CLCA4: variants seen among roughly 807,000 people sequenced by gnomAD.
CLCA4 encodes the protein chloride channel accessory 4.
In CLCA4, 69 loss-of-function variants were observed where a neutral mutation model predicts 78.9. The observed-to-expected ratio is 0.87, with a 90% CI of 0.72 to 1.07. The LOEUF is 1.07. Ranked by LOEUF, CLCA4 falls within the 50% of genes least tolerant of loss-of-function variation. The pLI is 0.00. For synonymous variants in CLCA4, 362 were observed against 375.8 expected, an observed-to-expected ratio of 0.96 and a Z score of 0.42; for missense variants, 1,133 against 1,095.8, an observed-to-expected ratio of 1.03 and a Z score of -0.48.
chr1:86,547,245 G>A lies in CLCA4; in HGVS notation c.126G>A (p.Val42=), dbSNP rs1303317184. 1 of 1,596,510 alleles carries A rather than the reference G, an allele frequency of 6.3e-7. No homozygotes were observed. Among genetic ancestry groups the A allele is most frequent in the Admixed American group, 1.8e-5 (1 of 55,654 alleles). The change falls in exon 1 of 14, where the codon GTG becomes GTA. Residue 42 remains valine, a synonymous_variant. Transcript: ENST00000370563. ...TTGTCATTGTTATAGATCCTAGTGTGCCAGAAGATGAAAAAATAATTGAAC... is the reference window on the plus strand; with the variant it reads ...TTGTCATTGTTATAGATCCTAGTGTACCAGAAGATGAAAAAATAATTGAAC... The part of the protein sequence containing the change: ...EDIVIVIDPS[V]PEDEKIIEQI...
intron 11 of CLCA4, 120 bp from the exon 12 acceptor site, chr1:86,577,782 A>G: frequency 1.4e-6 from 1 of 710,216 alleles, no homozygotes; most frequent in Non-Finnish European, 2.3e-6. Flanking sequence ...TATTCTCCAA[A>G]GGGTCAATCT....
intron 1 of CLCA4, among the ~76,000 whole-genome samples, chr1:86,547,513 T>G (rs1188469180): frequency 6.6e-6 from 1 of 152,168 alleles, no homozygotes; most frequent in East Asian, 1.9e-4. Context: ...CACAACAGAT[T>G]ATCAGTAACT....
intron 1 of CLCA4, among the ~76,000 whole-genome samples, 179 bp downstream of exon 1, chr1:86,547,457 T>C (rs1649536586): frequency 6.6e-6 from 1 of 152,212 alleles, no homozygotes; most frequent in Non-Finnish European, 1.5e-5. Flanking sequence ...ATCTTTGCAT[T>C]GTGTCGGGAA....
At chr1:86,554,564 C>T (rs1649774858) in intron 1 of CLCA4, among the ~76,000 whole-genome samples, 1 of 152,054 alleles carries the variant, frequency 6.6e-6, no homozygotes, top group African/African-American at 2.4e-5. Flanking sequence ...CATGCCCGGC[C>T]CTGTACCACA....
intron 6 of CLCA4, among the ~76,000 whole-genome samples, 193 bp from the exon 7 acceptor site, chr1:86,567,231 A>G (rs1232006065): frequency 6.6e-6 from 1 of 152,006 alleles, no homozygotes; most frequent in Non-Finnish European, 1.5e-5. Flanking sequence ...ACTCCTTACT[A>G]TACGTGTCCC....
chr1:86,552,823 G>A (rs1354802861), intron 1 of CLCA4: 3 of 923,390 alleles, frequency 3.2e-6, no homozygotes, highest in Non-Finnish European at 5.3e-6. Context: ...CATGTAGCGG[G>A]GGATTTTAGT....
intron 1 of CLCA4, chr1:86,553,422 A>G: frequency 2.5e-6 from 1 of 401,834 alleles, no homozygotes; most frequent in South Asian, 4.8e-5. Flanking sequence ...GCGAGGCAGC[A>G]GAGATCCTCT....
chr1:86,572,334 C>A (rs548158391), intron 8 of CLCA4, among the ~76,000 whole-genome samples: 1 of 152,084 alleles, frequency 6.6e-6, no homozygotes, highest in African/African-American at 2.4e-5. Flanking sequence ...AGTTTGTGAG[C>A]TTTAATACAT....
intron 3 of CLCA4, 81 bp downstream of exon 3, chr1:86,560,439 G>T (rs778229190): frequency 7.1e-7 from 1 of 1,408,416 alleles, no homozygotes; most frequent in East Asian, 2.4e-5. Flanking sequence ...CAGGCCATGG[G>T]GCCAAAGTCC....
At chr1:86,569,654 C>T (rs1650291488) in intron 7 of CLCA4, among the ~76,000 whole-genome samples, 1 of 151,862 alleles carries the variant, frequency 6.6e-6, no homozygotes, top group African/African-American at 2.4e-5. Context: ...TAATACATAG[C>T]GAATGTTCAG....
In CLCA4 at chr1:86,547,163, T is replaced by C. The variant is rs766512274; in HGVS notation, c.44T>C (p.Leu15Pro). ...TTTGTTTTCCTCTTAGTTCTGTGCC[T>C]GCTGCACCAGTCAAATACTTCCTTC... ...RGFVFLLVLCLLHQSNTSFIK... is the reference protein window; with the variant it reads ...RGFVFLLVLCPLHQSNTSFIK... The change falls in exon 1 of 14, where the codon CTG becomes CCG. Residue 15 changes from leucine (L) to proline (P), a missense_variant. By Grantham distance (98) the Leu-to-Pro change is moderately conservative. Coordinates refer to ENST00000370563, the MANE Select transcript of CLCA4 (RefSeq NM_012128.4). 4 of 1,612,418 alleles carry C rather than the reference T, an allele frequency of 2.5e-6. No individual in the cohort carries two copies. The East Asian group carries it at 8.9e-5, about 36-fold the overall frequency.
chr1:86,577,878 T>C (rs1650565882), intron 11 of CLCA4, 24 bp from the exon 12 acceptor site: 1 of 1,597,468 alleles, frequency 6.3e-7, no homozygotes, highest in South Asian at 1.1e-5. Context: ...TTACAAGACT[T>C]TATTCCTTCA....
chr1:86,577,801 T>C, intron 11 of CLCA4, 101 bp from the exon 12 acceptor site: 1 of 838,896 alleles, frequency 1.2e-6, no homozygotes. Flanking sequence ...CTAAAAATAT[T>C]AAGCCTAATC....
intron 1 of CLCA4, among the ~76,000 whole-genome samples, chr1:86,550,089 T>A (rs1002618417): frequency 3.9e-5 from 6 of 152,344 alleles, no homozygotes; most frequent in Middle Eastern, 3.4e-3. Flanking sequence ...ACTACTGTGT[T>A]CTGCTGCTTA....
rs931285582 is a variant in CLCA4, at chr1:86,563,856, A to T, written c.557+87A>T. ...TTGATTTCTTCCAAAATCATTCTTA[A>T]TGCAGACAATATGTCACAAAACAAT... On this transcript the variant is annotated intron_variant, in intron 4 of 13. Transcript: ENST00000370563. 13 of 667,860 alleles carry T rather than the reference A, an allele frequency of 1.9e-5. No homozygotes were observed. The African/African-American group carries it at 2.2e-4, about 11-fold the overall frequency. 41.4% of individuals were successfully genotyped at this position (667,860 alleles called of 1,614,324 possible). A position where few individuals can be genotyped will look rare whatever the true frequency, so the allele number is the denominator to read the frequency against.
intron 1 of CLCA4, chr1:86,553,162 G>C (rs893371497): frequency 6.7e-5 from 70 of 1,042,494 alleles, no homozygotes; most frequent in Non-Finnish European, 9.8e-5. Context: ...GTGGCAATGA[G>C]GATTGAGCGG....
chr1:86,560,074 T>A lies in CLCA4; in HGVS notation c.300+2T>A, dbSNP rs764294231. 1.3e-5 allele frequency: 20 copies of A among 1,579,920 alleles called. No individual in the cohort carries two copies. The highest frequency in any genetic ancestry group is 1.6e-5 in the Non-Finnish European group (19 of 1,169,154). The stretch of plus-strand genomic sequence containing the variant: ...CCAAAACATGAAAACCATAAACATG[T>A]AAGTGTCGAAATATTCTCTTAAAAA... On this transcript the variant is annotated splice_donor_variant, in intron 2 of 13. Coordinates refer to ENST00000370563, the MANE Select transcript of CLCA4 (RefSeq NM_012128.4). LOFTEE classifies it high-confidence loss of function.
At chr1:86,560,922 T>C (rs1210871718) in intron 3 of CLCA4, among the ~76,000 whole-genome samples, 1 of 152,200 alleles carries the variant, frequency 6.6e-6, no homozygotes, top group East Asian at 1.9e-4. Context: ...ATCTAAATGC[T>C]AAAATAATTT....
chr1:86,571,246 A>G lies in CLCA4; in HGVS notation c.1352A>G (p.Lys451Arg). Residue 451 changes from lysine (K) to arginine (R), a missense_variant, in exon 8 of 14, where the codon AAG (lysine) becomes AGG (arginine). By Grantham distance (26) the Lys-to-Arg change is conservative (BLOSUM62 2). Coordinates refer to ENST00000370563, the MANE Select transcript of CLCA4 (RefSeq NM_012128.4). Reference sequence around the variant, plus strand: ...GATGAAGCAGTAATAGAGATGAGCAAGATAACAGGTAAAACACGATCCATT... The same window carrying G: ...GATGAAGCAGTAATAGAGATGAGCAGGATAACAGGTAAAACACGATCCATT... The part of the protein sequence containing the change: ...AADEAVIEMS[K>R]ITGGSHFYVS... The G allele has an allele frequency of 6.2e-7, 1 of 1,611,358 alleles. No individual in the cohort carries two copies.
Sources: gnomAD v4.1 joint callset for allele counts (sites outside exome capture counted in the v4.1 genomes callset) on GRCh38, gnomAD v4.1.1 for gene constraint, MANE v1.5 for transcripts, NCBI Gene and HGNC (gene_info 2026-07-23, HGNC 2026-07-21) for gene names.